The following HOMER2 variants were observed in gnomAD, a reference collection of about 807,000 sequenced individuals.
HOMER2 encodes the protein homer protein homolog 2.
In HOMER2, 27 loss-of-function variants were observed where a neutral mutation model predicts 47.0. That is an observed-to-expected ratio of 0.57 (90% confidence interval 0.42 to 0.79). The LOEUF (loss-of-function observed/expected upper bound fraction) is 0.79, where lower values mean the gene tolerates loss of function less well. Ranked by LOEUF, HOMER2 falls within the 30% of genes least tolerant of loss-of-function variation. HOMER2 has a pLI of 0.00. For missense variants in HOMER2, 443 were observed against 435.0 expected (o/e 1.02, Z -0.16); for synonymous variants, 161 against 163.8 (o/e 0.98, Z 0.13).
intron 1 of HOMER2, among the ~76,000 whole-genome samples, chr15:82,930,918 TG>T (rs11298630): frequency 0.06 from 9,162 of 151,864 alleles, 499 homozygotes; most frequent in African/African-American, 0.15. Context: ...CCCAGCTACT[TG>T]GGGGGGCTGA....
intron 3 of HOMER2, among the ~76,000 whole-genome samples, chr15:82,873,874 C>T (rs1422777866): frequency 6.6e-6 from 1 of 152,182 alleles, no homozygotes; most frequent in African/African-American, 2.4e-5. Context: ...GCGCTGGGGA[C>T]CTCCTTAGAA....
At chr15:82,906,378 A>C (rs1281078387) in intron 1 of HOMER2, among the ~76,000 whole-genome samples, 2 of 152,212 alleles carry the variant, frequency 1.3e-5, no homozygotes, top group East Asian at 3.8e-4. Flanking sequence ...AAATACACAA[A>C]AGACAGAGAT....
intron 1 of HOMER2, among the ~76,000 whole-genome samples, chr15:82,893,521 C>CG (rs1162173577): frequency 6.6e-6 from 1 of 151,464 alleles, no homozygotes; most frequent in Admixed American, 6.6e-5. Context: ...ATAGTAGAGA[C>CG]GGGGTTTCAC....
chr15:82,844,724 TTGGG>T (rs2051215933), downstream of HOMER2: 2 of 152,210 alleles, frequency 1.3e-5, no homozygotes, highest in Non-Finnish European at 2.9e-5. Context: ...AACAGTACTC[TTGGG>T]AGAGTTCACT....
chr15:82,965,818 G>A (rs1437588300), intron 1 of HOMER2, among the ~76,000 whole-genome samples: 1 of 151,744 alleles, frequency 6.6e-6, no homozygotes, highest in Non-Finnish European at 1.5e-5. Flanking sequence ...CATGGGGCCA[G>A]TTGTGGTAGC....
chr15:82,971,754 G>GACAGA (rs1465270734), intron 1 of HOMER2, among the ~76,000 whole-genome samples: 5 of 151,064 alleles, frequency 3.3e-5, no homozygotes, highest in Admixed American at 2.6e-4. Flanking sequence ...ACTGTGCAAG[G>GACAGA]ACAGAACAGA....
chr15:82,861,804 T>TGA (rs2051800180), intron 4 of HOMER2, among the ~76,000 whole-genome samples: 1 of 151,982 alleles, frequency 6.6e-6, no homozygotes, highest in South Asian at 2.1e-4. Context: ...ATCAGAAGCT[T>TGA]GAGATCAGCC....
At chr15:82,851,062 G>A (rs1380361277) in intron 8 of HOMER2, 89 bp downstream of exon 8, 1 of 880,996 alleles carries the variant, frequency 1.1e-6, no homozygotes. Flanking sequence ...CATTCTCAGT[G>A]TGAAAGTGAT....
chr15:82,876,154 C>T (rs1276805791), intron 2 of HOMER2, among the ~76,000 whole-genome samples: 6 of 152,186 alleles, frequency 3.9e-5, no homozygotes, highest in African/African-American at 9.6e-5. Flanking sequence ...ACACCCTCGC[C>T]TCTCTCCCTT....
chr15:82,860,978 A>AGAGAGAGAGAGAGAGAGAGAGAGAGAGG (rs1269756073), intron 4 of HOMER2, among the ~76,000 whole-genome samples: 5 of 147,928 alleles, frequency 3.4e-5, no homozygotes, highest in African/African-American at 1.3e-4. Context: ...AGAGAGAGAG[A>AGAGAGAGAGAGAGAGAGAGAGAGAGAGG]GAGAAAGCGA....
intron 2 of HOMER2, among the ~76,000 whole-genome samples, chr15:82,892,343 G>A (rs1217224483): frequency 1.3e-5 from 2 of 152,042 alleles, no homozygotes; most frequent in East Asian, 1.9e-4. Context: ...AGAAAGCAAT[G>A]GTATGTGAAC....
At chr15:82,950,951 G>A (rs1301740744) in intron 1 of HOMER2, among the ~76,000 whole-genome samples, 1 of 151,970 alleles carries the variant, frequency 6.6e-6, no homozygotes, top group Non-Finnish European at 1.5e-5. Flanking sequence ...GGGGAGGGAG[G>A]GCCAGAAAGA....
chr15:82,948,632 G>C (rs186493915), intron 1 of HOMER2, among the ~76,000 whole-genome samples: 99 of 152,320 alleles, frequency 6.5e-4, no homozygotes, highest in African/African-American at 2.1e-3. Context: ...AGGATGGCAG[G>C]AAAGACCCTG....
chr15:82,940,658 C>T (rs1392322733), intron 1 of HOMER2, among the ~76,000 whole-genome samples: 1 of 152,174 alleles, frequency 6.6e-6, no homozygotes, highest in East Asian at 1.9e-4. Flanking sequence ...AGGAGAATGG[C>T]GTGAACCTGA....
chr15:82,861,037 A>G (rs2051772859), intron 4 of HOMER2, among the ~76,000 whole-genome samples: 1 of 152,102 alleles, frequency 6.6e-6, no homozygotes, highest in African/African-American at 2.4e-5. Context: ...AAGAGAAGAG[A>G]AAAGAAAAGA....
intron 1 of HOMER2, among the ~76,000 whole-genome samples, chr15:82,945,874 G>A (rs997443823): frequency 3.3e-5 from 5 of 152,096 alleles, no homozygotes; most frequent in East Asian, 1.9e-4. Flanking sequence ...GGAGGCTAAG[G>A]TAGGAGAATC....
In HOMER2 at chr15:82,952,603, C is replaced by A. The variant is rs1343178685; in HGVS notation, c.-68G>T. ...GCTCGCTCTCCGCCCGCTCGGCAGC[C>A]GCTCCCCGCGCGGCACATGCGGCGG... On this transcript the variant is annotated 5_prime_UTR_variant, in exon 1 of 9. Coordinates refer to ENST00000450735, the MANE Select transcript of HOMER2 (RefSeq NM_004839.4). The A allele has an allele frequency of 9.1e-7, 1 of 1,104,272 alleles. No individual in the cohort carries two copies. The highest frequency in any genetic ancestry group is 5.1e-5 in the Admixed American group (1 of 19,474). 68.4% of individuals were successfully genotyped at this position (1,104,272 alleles called of 1,614,324 possible).
intron 1 of HOMER2, among the ~76,000 whole-genome samples, chr15:82,915,930 T>C (rs1309017599): frequency 6.6e-6 from 1 of 152,212 alleles, no homozygotes. Context: ...CCTTTCAAAA[T>C]TATAAGTAAA....
At chr15:82,882,881 CT>C (rs757073475) in intron 2 of HOMER2, among the ~76,000 whole-genome samples, 662 of 27,062 alleles carry the variant, frequency 0.024, 38 homozygotes, top group African/African-American at 0.076. Flanking sequence ...CCAGCCACTG[CT>C]TTTTTTTTTT....
Sources: allele counts gnomAD v4.1 joint callset (sites outside exome capture counted in the v4.1 genomes callset), GRCh38; gene constraint gnomAD v4.1.1; transcripts MANE v1.5; gene names NCBI Gene and HGNC (gene_info 2026-07-23, HGNC 2026-07-21).